The following ELP4 variants were observed in gnomAD, a reference collection of about 807,000 sequenced individuals.
The protein encoded by ELP4 is elongator complex protein 4.
In ELP4, 51 loss-of-function variants were observed where a neutral mutation model predicts 48.9. The ratio of observed to expected loss-of-function variants is 1.04; its 90% CI spans 0.83 to 1.32. The LOEUF (loss-of-function observed/expected upper bound fraction) is 1.32, where lower values mean the gene tolerates loss of function less well. Ranked by LOEUF, ELP4 falls within the 40% of genes most tolerant of loss-of-function variation. The pLI, the probability that ELP4 is intolerant of heterozygous loss-of-function variation, is 0.00. For synonymous variants in ELP4, 210 were observed against 189.2 expected, an observed-to-expected ratio of 1.11 and a Z score of -0.90; for missense variants, 519 against 514.6, an observed-to-expected ratio of 1.01 and a Z score of -0.08.
intron 9 of ELP4, among the ~76,000 whole-genome samples, chr11:31,780,924 A>G (rs916117922): frequency 6.6e-6 from 1 of 152,216 alleles, no homozygotes; most frequent in African/African-American, 2.4e-5. Context: ...TCATGTCAGA[A>G]TCCAGTTCAT....
At chr11:31,512,162 A>G (rs554557941) in intron 1 of ELP4, 1 of 152,352 alleles carries the variant, frequency 6.6e-6, no homozygotes, top group South Asian at 2.1e-4. Flanking sequence ...CAAGCCTAAT[A>G]TGACTATATT....
At chr11:31,763,512 A>C in intron 9 of ELP4, 3 of 1,610,828 alleles carry the variant, frequency 1.9e-6, no homozygotes, top group Non-Finnish European at 2.5e-6. Flanking sequence ...AAGGTTCTTT[A>C]CAGCATTCCA....
intron 3 of ELP4, among the ~76,000 whole-genome samples, chr11:31,566,863 AAAG>A (rs547489341): frequency 9.2e-4 from 140 of 152,328 alleles, no homozygotes; most frequent in African/African-American, 3.3e-3. Flanking sequence ...GTCTATAAAA[AAAG>A]AAGCACAACA....
chr11:31,719,437 T>G (rs1192273906), intron 9 of ELP4: 2 of 397,932 alleles, frequency 5.0e-6, no homozygotes, highest in Non-Finnish European at 8.9e-6. Flanking sequence ...AATTATGTTT[T>G]TATAATTCTA....
At chr11:31,584,577 G>A (rs1004727826) in intron 3 of ELP4, among the ~76,000 whole-genome samples, 14 of 152,038 alleles carry the variant, frequency 9.2e-5, no homozygotes, top group African/African-American at 2.7e-4. Context: ...TGCCCAGGCT[G>A]GAGTGCAGTG....
intron 3 of ELP4, among the ~76,000 whole-genome samples, chr11:31,548,396 G>T (rs2133922487): frequency 6.6e-6 from 1 of 151,332 alleles, no homozygotes; most frequent in East Asian, 1.9e-4. Context: ...TTGCTTCAAA[G>T]AGAATAAAAT....
At chr11:31,753,845 A>T (rs1420861117) in intron 9 of ELP4, among the ~76,000 whole-genome samples, 1 of 152,154 alleles carries the variant, frequency 6.6e-6, no homozygotes, top group Non-Finnish European at 1.5e-5. Flanking sequence ...TAGTGATTCA[A>T]AATTGTCCAT....
rs377639773 is a variant in ELP4 at position 31,510,002 on chromosome 11, T to G, written c.218T>G (p.Leu73Arg). Residue 73 changes from leucine to arginine, a missense_variant, in exon 1 of 10, where the codon CTC (leucine) becomes CGC (arginine). Transcript: ENST00000640961. Reference protein sequence around the residue: ...VSTGLPALDQLLGGGLAVGTV... With the variant: ...VSTGLPALDQRLGGGLAVGTV... ...ACCGGGCTCCCAGCCCTAGACCAGCTCTTAGGTCGGTTCAGAGCGGAGATC... is the reference window on the plus strand; with the variant it reads ...ACCGGGCTCCCAGCCCTAGACCAGCGCTTAGGTCGGTTCAGAGCGGAGATC... The G allele has an allele frequency of 4.0e-5, 64 of 1,611,002 alleles. No homozygotes were observed. Among genetic ancestry groups the G allele is most frequent in the Non-Finnish European group, 4.7e-5 (56 of 1,179,594 alleles).
intron 4 of ELP4, among the ~76,000 whole-genome samples, chr11:31,601,947 T>C (rs1957792329): frequency 6.6e-6 from 1 of 152,054 alleles, no homozygotes; most frequent in African/African-American, 2.4e-5. Flanking sequence ...GCTTATTCTT[T>C]TGAATCAGGA....
At chr11:31,610,535 T>C (rs935237100) in intron 5 of ELP4, among the ~76,000 whole-genome samples, 1 of 152,112 alleles carries the variant, frequency 6.6e-6, no homozygotes, top group African/African-American at 2.4e-5. Flanking sequence ...TATTCCCCAG[T>C]GTCTATTGTT....
At chr11:31,707,620 C>T (rs1357174267) in intron 9 of ELP4, among the ~76,000 whole-genome samples, 1 of 151,930 alleles carries the variant, frequency 6.6e-6, no homozygotes, top group Non-Finnish European at 1.5e-5. Context: ...TCTGTTACTG[C>T]TATAAAAAAT....
At chr11:31,547,012 A>G (rs913020659) in intron 3 of ELP4, among the ~76,000 whole-genome samples, 3 of 152,194 alleles carry the variant, frequency 2.0e-5, no homozygotes, top group South Asian at 2.1e-4. Flanking sequence ...TTATAGCACT[A>G]AATGCCCACA....
intron 9 of ELP4, among the ~76,000 whole-genome samples, chr11:31,736,377 A>G (rs1308067968): frequency 2.0e-5 from 3 of 152,178 alleles, no homozygotes; most frequent in Admixed American, 1.3e-4. Flanking sequence ...AAAACCCTAG[A>G]AAAAAACCTA....
At chr11:31,611,951 G>A (rs1303976779) in intron 5 of ELP4, among the ~76,000 whole-genome samples, 1 of 152,162 alleles carries the variant, frequency 6.6e-6, no homozygotes, top group Non-Finnish European at 1.5e-5. Flanking sequence ...CTGAGAAGAA[G>A]GTAATCATGC....
chr11:31,667,362 CAA>C (rs1945702637), intron 9 of ELP4, among the ~76,000 whole-genome samples: 4 of 152,110 alleles, frequency 2.6e-5, no homozygotes, highest in Non-Finnish European at 4.4e-5. Context: ...GCATTCTACA[CAA>C]AGTTTTTCTA....
At chr11:31,599,520 CACAAAAAAAA>C (rs780082997) in intron 4 of ELP4, 1,902 of 17,428 alleles carry the variant, frequency 0.11, 48 homozygotes, top group East Asian at 0.45. Context: ...CACACACACA[CACAAAAAAAA>C]AAAACCTGGC....
intron 3 of ELP4, among the ~76,000 whole-genome samples, chr11:31,567,945 G>C (rs1250801478): frequency 6.6e-6 from 1 of 152,148 alleles, no homozygotes; most frequent in African/African-American, 2.4e-5. Context: ...TGAGAAGAAG[G>C]CAACAATGAA....
intron 3 of ELP4, among the ~76,000 whole-genome samples, chr11:31,579,366 AG>A (rs1397127919): frequency 6.6e-6 from 1 of 152,218 alleles, no homozygotes; most frequent in Non-Finnish European, 1.5e-5. Context: ...CCATTGTGGA[AG>A]ACAGTGTGGC....
At chr11:31,678,361 A>G (rs1315073736) in intron 9 of ELP4, among the ~76,000 whole-genome samples, 1 of 152,164 alleles carries the variant, frequency 6.6e-6, no homozygotes. Context: ...AGGTGAGAGG[A>G]TCACTTGAGC....
Sources: gnomAD v4.1 joint callset for allele counts (sites outside exome capture counted in the v4.1 genomes callset) on GRCh38, gnomAD v4.1.1 for gene constraint, MANE v1.5 for transcripts, NCBI Gene and HGNC (gene_info 2026-07-23, HGNC 2026-07-21) for gene names.